SWAP70: variants seen among roughly 807,000 people sequenced by gnomAD.
The protein encoded by SWAP70 is switch-associated protein 70.
A neutral mutation model predicts 80.2 loss-of-function variants in SWAP70; 34 were observed. That is an observed-to-expected ratio of 0.42 (90% CI 0.32 to 0.56). The LOEUF is 0.56. Among genes scored for constraint, SWAP70 ranks in the 20% least tolerant of loss-of-function variants. The pLI, the probability that SWAP70 is intolerant of heterozygous loss-of-function variation, is 0.09. For synonymous variants in SWAP70, 239 were observed against 238.5 expected, an observed-to-expected ratio of 1.00 and a Z score of -0.02; for missense variants, 578 against 690.7, an observed-to-expected ratio of 0.84 and a Z score of 1.83.
intron 2 of SWAP70, among the ~76,000 whole-genome samples, chr11:9,699,654 A>G (rs544524681): frequency 2.0e-5 from 3 of 152,234 alleles, no homozygotes; most frequent in South Asian, 2.1e-4. Flanking sequence ...CAGGAGTTCA[A>G]GACCATCCTG....
At chr11:9,716,353 C>T (rs1057200549) in intron 3 of SWAP70, among the ~76,000 whole-genome samples, 2 of 152,126 alleles carry the variant, frequency 1.3e-5, no homozygotes, top group Admixed American at 6.5e-5. Context: ...GCATATAGTG[C>T]CTGGCTGTGG....
At chr11:9,679,742 C>G (rs1467889866) in intron 1 of SWAP70, among the ~76,000 whole-genome samples, 1 of 152,112 alleles carries the variant, frequency 6.6e-6, no homozygotes, top group Admixed American at 6.5e-5. Flanking sequence ...GATCTCAGCT[C>G]ACTGCAAGCT....
intron 9 of SWAP70, 163 bp downstream of exon 9, chr11:9,740,510 G>A (rs1440426641): frequency 6.9e-6 from 5 of 726,790 alleles, no homozygotes; most frequent in Non-Finnish European, 9.4e-6. Flanking sequence ...AGACTCGACC[G>A]GCTGGAGTGT....
chr11:9,673,738 C>T (rs1850449359), intron 1 of SWAP70, among the ~76,000 whole-genome samples: 1 of 151,976 alleles, frequency 6.6e-6, no homozygotes. Flanking sequence ...CAGAGAATTT[C>T]TTTATGGCCA....
intron 2 of SWAP70, among the ~76,000 whole-genome samples, chr11:9,695,321 G>T (rs376627467): frequency 1.3e-5 from 2 of 151,920 alleles, no homozygotes; most frequent in East Asian, 1.9e-4. Flanking sequence ...ACGTGCACAC[G>T]TATGTTTATT....
chr11:9,725,580 T>A (rs1419288525), intron 4 of SWAP70, among the ~76,000 whole-genome samples: 1 of 131,176 alleles, frequency 7.6e-6, no homozygotes, highest in Non-Finnish European at 1.6e-5. Flanking sequence ...TTTTTTTTTT[T>A]TTTTTTTTCC....
At chr11:9,729,034 A>T (rs1357913708) in intron 5 of SWAP70, among the ~76,000 whole-genome samples, 1 of 152,202 alleles carries the variant, frequency 6.6e-6, no homozygotes, top group Non-Finnish European at 1.5e-5. Context: ...TTGTAACATC[A>T]TCACAGATGT....
chr11:9,724,311 A>G (rs1851178713), intron 3 of SWAP70, among the ~76,000 whole-genome samples: 1 of 152,232 alleles, frequency 6.6e-6, no homozygotes, highest in Admixed American at 6.5e-5. Context: ...GTTGAGTAAG[A>G]CTAATGTTCT....
At chr11:9,737,513 C>G (rs185073013) in intron 7 of SWAP70, among the ~76,000 whole-genome samples, 1 of 152,126 alleles carries the variant, frequency 6.6e-6, no homozygotes, top group Admixed American at 6.5e-5. Context: ...CTTATGCCAC[C>G]CTTCTAGAAA....
In SWAP70 at chr11:9,718,992, C is replaced by T. The variant is rs189097634; in HGVS notation, c.414+5353C>T. ...GCACATGCCTGAAGTCTCAGCTACT[C>T]GGGAGGCTGAAGTGGGAGGATCACC... On this transcript the variant is annotated intron_variant, in intron 3 of 11. Transcript: ENST00000318950. Among the ~76,000 whole-genome samples, 371 of 146,762 alleles carry T rather than the reference C, an allele frequency of 2.5e-3. 5 individuals are homozygous for T. Among genetic ancestry groups the T allele is most frequent in the Admixed American group, 0.021 (309 of 14,406 alleles).
intron 1 of SWAP70, among the ~76,000 whole-genome samples, chr11:9,669,813 G>C (rs192500759): frequency 1.9e-3 from 285 of 152,198 alleles, no homozygotes; most frequent in Non-Finnish European, 1.9e-3. Flanking sequence ...AGAATGATGA[G>C]TTGTGATCAG....
At chr11:9,681,757 A>G (rs1850570886) in intron 1 of SWAP70, among the ~76,000 whole-genome samples, 1 of 152,208 alleles carries the variant, frequency 6.6e-6, no homozygotes, top group Non-Finnish European at 1.5e-5. Flanking sequence ...AAGGGAACCT[A>G]TTTAGCTTGG....
chr11:9,677,441 A>G (rs1167825908), intron 1 of SWAP70, among the ~76,000 whole-genome samples: 1 of 152,178 alleles, frequency 6.6e-6, no homozygotes, highest in African/African-American at 2.4e-5. Context: ...GGGTATTTAC[A>G]AAAATGAAAA....
intron 7 of SWAP70, among the ~76,000 whole-genome samples, chr11:9,734,702 C>T (rs1851342194): frequency 6.6e-6 from 1 of 152,204 alleles, no homozygotes; most frequent in South Asian, 2.1e-4. Flanking sequence ...TGCAGTGGTG[C>T]CATGCTCACT....
At chr11:9,698,488 T>G (rs1026016142) in intron 2 of SWAP70, among the ~76,000 whole-genome samples, 1 of 152,200 alleles carries the variant, frequency 6.6e-6, no homozygotes, top group Non-Finnish European at 1.5e-5. Context: ...CACTGTGTCC[T>G]CTGCCTCCCG....
intron 3 of SWAP70, among the ~76,000 whole-genome samples, chr11:9,716,576 A>C (rs752201991): frequency 2.0e-5 from 3 of 152,192 alleles, no homozygotes; most frequent in Non-Finnish European, 4.4e-5. Flanking sequence ...GGATTGAAAA[A>C]GTTGATGTAT....
intron 7 of SWAP70, among the ~76,000 whole-genome samples, chr11:9,736,306 T>G (rs1259768037): frequency 6.6e-6 from 1 of 152,128 alleles, no homozygotes; most frequent in African/African-American, 2.4e-5. Flanking sequence ...CATAAAATAT[T>G]TATAACTGCT....
intron 1 of SWAP70, among the ~76,000 whole-genome samples, chr11:9,693,558 T>G (rs914799068): frequency 6.6e-6 from 1 of 152,206 alleles, no homozygotes. Flanking sequence ...CATGCTGAAA[T>G]TTAGCCTAGT....
rs568984935 is a variant in SWAP70 at position 9,729,540 on chromosome 11, C to T, written c.898+89C>T. On this transcript the variant is annotated intron_variant, in intron 6 of 11. Coordinates refer to ENST00000318950, the MANE Select transcript of SWAP70 (RefSeq NM_015055.4). ...CTGAGACGGAGTCTTGCTCTGTTGC[C>T]CGGGCTGTAGTGCAGTGGTGCTATC... The T allele has an allele frequency of 6.0e-5, 61 of 1,011,714 alleles. 1 individual carries two copies. Among genetic ancestry groups the T allele is most frequent in the South Asian group, 4.4e-4 (31 of 69,860 alleles). The allele number at this position is 1,011,714 out of a possible 1,614,324, so 62.7% of individuals were successfully genotyped here.
Sources: gnomAD v4.1 joint callset for allele counts (sites outside exome capture counted in the v4.1 genomes callset) on GRCh38, gnomAD v4.1.1 for gene constraint, MANE v1.5 for transcripts, NCBI Gene and HGNC (gene_info 2026-07-23, HGNC 2026-07-21) for gene names.